UGT2A2: variants seen among roughly 807,000 people sequenced by gnomAD.
The protein encoded by UGT2A2 is UDP-glucuronosyltransferase 2A2.
UGT2A2 carries 60 observed loss-of-function variants against 50.7 expected under a neutral mutation model. The observed-to-expected ratio is 1.18, with a 90% CI of 0.96 to 1.47. The LOEUF is 1.47. UGT2A2 is among the 40% of genes most tolerant of loss of function. The pLI is 0.00. For synonymous variants in UGT2A2, 242 were observed against 214.6 expected, an observed-to-expected ratio of 1.13 and a Z score of -1.11; for missense variants, 762 against 634.0, an observed-to-expected ratio of 1.20 and a Z score of -2.17.
chr4:69,600,727 C>A (rs1719233606), intron 1 of UGT2A2, among the ~76,000 whole-genome samples: 1 of 151,752 alleles, frequency 6.6e-6, no homozygotes, highest in Non-Finnish European at 1.5e-5. Context: ...CTAATCATGG[C>A]AGAAGGCAAC....
At chr4:69,634,162 G>C (rs1037610047) in intron 1 of UGT2A2, among the ~76,000 whole-genome samples, 1 of 151,812 alleles carries the variant, frequency 6.6e-6, no homozygotes, top group Admixed American at 6.6e-5. Flanking sequence ...GGAGAATGGC[G>C]TGAACCCGGG....
chr4:69,616,992 G>T (rs541764254), intron 1 of UGT2A2, among the ~76,000 whole-genome samples: 16 of 151,926 alleles, frequency 1.1e-4, no homozygotes, highest in Non-Finnish European at 2.2e-4. Flanking sequence ...TAGTTAAAAT[G>T]TAGGTGAATG....
chr4:69,624,071 G>C (rs1408424473), intron 1 of UGT2A2, among the ~76,000 whole-genome samples: 2 of 151,482 alleles, frequency 1.3e-5, no homozygotes, highest in African/African-American at 4.8e-5. Context: ...ATCAATTACT[G>C]AGAGAGGACC....
Position 69,639,128 on chromosome 4 carries a change from T to C in UGT2A2, c.513A>G (p.Lys171=), listed in dbSNP as rs749673293. Residue 171 remains lysine (K), a synonymous_variant, in exon 1 of 6, where the codon AAA becomes AAG. Transcript: ENST00000604629. ...ATGTGTACATAAATGGAATTCCTAA[T>C]TTCAGAGCAACAAGATCACCACAGA... is the stretch of plus-strand genomic sequence containing the variant. The part of the protein sequence containing the change: ...VTICGDLVAL[K]LGIPFMYTLR... The C allele has an allele frequency of 3.1e-6, 5 of 1,613,614 alleles. No individual in the cohort carries two copies. The Admixed American group carries it at 8.3e-5, about 27-fold the overall frequency.
intron 1 of UGT2A2, among the ~76,000 whole-genome samples, chr4:69,620,768 A>T (rs1577978491): frequency 6.6e-6 from 1 of 152,084 alleles, no homozygotes. Context: ...TAACCAAAAC[A>T]GTATGGCACT....
chr4:69,626,303 C>A (rs73824179), intron 1 of UGT2A2, among the ~76,000 whole-genome samples: 1 of 151,182 alleles, frequency 6.6e-6, no homozygotes, highest in Non-Finnish European at 1.5e-5. Context: ...AGAGGCCATA[C>A]ACATCTAAAG....
chr4:69,593,967 C>CTTTTTTTTTTTTTTTTTTT lies in UGT2A2; in HGVS notation c.1331+509_1331+510insAAAAAAAAAAAAAAAAAAA, dbSNP rs200066453. 4.6e-5 allele frequency among the ~76,000 whole-genome samples: 5 copies of CTTTTTTTTTTTTTTTTTTT among 107,818 alleles called. 1 individual carries two copies. The highest frequency in any genetic ancestry group is 3.7e-5 in the Non-Finnish European group (2 of 53,450). The allele number at this position is 107,818 out of a possible 152,430, so 70.7% of individuals were successfully genotyped here. ...AAAATATTGAAATAATATTTGAAGT[C>CTTTTTTTTTTTTTTTTTTT]TTTTTTTTTGTTTGTTTTTTTTTTT... is the stretch of plus-strand genomic sequence containing the variant. On this transcript the variant is annotated intron_variant, in intron 5 of 5. Coordinates refer to ENST00000604629, the MANE Select transcript of UGT2A2 (RefSeq NM_001105677.2).
At chr4:69,637,257 C>G (rs959975097) in intron 1 of UGT2A2, among the ~76,000 whole-genome samples, 1 of 152,016 alleles carries the variant, frequency 6.6e-6, no homozygotes, top group African/African-American at 2.4e-5. Flanking sequence ...AAAATAAACT[C>G]AAATTTTATT....
Position 69,638,929 on chromosome 4 carries a change from C to A in UGT2A2, c.712G>T (p.Glu238Ter). The change falls in exon 1 of 6, where the codon GAA (glutamate) becomes TAA (stop). Residue 238 changes from glutamate to a stop codon, truncating the protein, a stop_gained. Transcript: ENST00000604629. LOFTEE classifies it high-confidence loss of function. The part of the protein sequence containing the change: ...QDYIFQSYWG[E>*]WNSYYSKILG... ...ATTTTGCTATAGTATGAATTCCATTCTCCCCAGTAGGACTGAAATATATAG... is the reference window on the plus strand; with the variant it reads ...ATTTTGCTATAGTATGAATTCCATTATCCCCAGTAGGACTGAAATATATAG... 2.5e-6 allele frequency: 4 copies of A among 1,604,644 alleles called. No homozygotes were observed. The highest frequency in any genetic ancestry group is 3.4e-6 in the Non-Finnish European group (4 of 1,175,302).
chr4:69,626,270 C>T (rs1028789992), intron 1 of UGT2A2, among the ~76,000 whole-genome samples: 1 of 150,660 alleles, frequency 6.6e-6, no homozygotes, highest in African/African-American at 2.4e-5. Context: ...CATTTTATTT[C>T]GGAGTAAATT....
rs1719316536 is a variant in UGT2A2, at chr4:69,601,827, C to T, written c.743-2433G>A. Among the ~76,000 whole-genome samples the T allele has an allele frequency of 1.5e-5, 2 of 136,166 alleles. 1 individual carries two copies. The highest frequency in any genetic ancestry group is 3.1e-5 in the Non-Finnish European group (2 of 64,144). 89.3% of individuals were successfully genotyped at this position (136,166 alleles called of 152,430 possible). ...AGCACCAGTCTGGGGTGTGACAGCC[C>T]TACTGGGTGGCCAGGTCTAGAGGAG... On this transcript the variant is annotated intron_variant, in intron 1 of 5. Coordinates refer to ENST00000604629, the MANE Select transcript of UGT2A2 (RefSeq NM_001105677.2).
In UGT2A2 at chr4:69,638,894, C is replaced by G; in HGVS notation, c.742+5G>C. On this transcript the variant is annotated splice_donor_5th_base_variant and intron_variant, in intron 1 of 5. Coordinates refer to ENST00000604629, the MANE Select transcript of UGT2A2 (RefSeq NM_001105677.2). ...GTCATTAAAAAGAGAAAATTTTAGA[C>G]TTACCTAAAATTTTGCTATAGTATG... The G allele has an allele frequency of 6.4e-7, 1 of 1,563,544 alleles. No homozygotes were observed. The highest frequency in any genetic ancestry group is 8.7e-7 in the Non-Finnish European group (1 of 1,155,870).
At chr4:69,596,194 G>A in intron 3 of UGT2A2, 56 bp downstream of exon 3, 1 of 1,425,556 alleles carries the variant, frequency 7.0e-7, no homozygotes, top group Non-Finnish European at 9.2e-7. Flanking sequence ...ATTACTAGCT[G>A]CATTGTCTCT....
At chr4:69,607,846 A>C (rs1285533784) in intron 1 of UGT2A2, among the ~76,000 whole-genome samples, 3 of 152,240 alleles carry the variant, frequency 2.0e-5, no homozygotes, top group African/African-American at 7.2e-5. Context: ...CCATCAGAGA[A>C]ATGCAAAACA....
At chr4:69,628,920 T>C (rs1262999315) in intron 1 of UGT2A2, among the ~76,000 whole-genome samples, 2 of 151,728 alleles carry the variant, frequency 1.3e-5, no homozygotes, top group African/African-American at 2.4e-5. Flanking sequence ...AGATAATCTT[T>C]CAATTTCCCT....
chr4:69,592,956 C>A (rs182361811), intron 5 of UGT2A2, among the ~76,000 whole-genome samples: 51 of 152,088 alleles, frequency 3.4e-4, no homozygotes, highest in African/African-American at 1.2e-3. Context: ...TAAAAAGTAA[C>A]TATTTCTTTT....
At chr4:69,593,480 C>T (rs1205118173) in intron 5 of UGT2A2, among the ~76,000 whole-genome samples, 1 of 151,354 alleles carries the variant, frequency 6.6e-6, no homozygotes, top group East Asian at 1.9e-4. Context: ...TATCATATTA[C>T]TTTGGTGAGA....
intron 1 of UGT2A2, chr4:69,635,828 C>CAAAAAAAAAAAGAAA (rs1721659228): frequency 2.0e-5 from 1 of 49,134 alleles, no homozygotes; most frequent in Non-Finnish European, 3.9e-5. Flanking sequence ...TCCACCTCAC[C>CAAAAAAAAAAAGAAA]AAAAAAAAAA....
intron 1 of UGT2A2, among the ~76,000 whole-genome samples, chr4:69,609,245 T>C (rs1719882355): frequency 6.6e-6 from 1 of 151,962 alleles, no homozygotes; most frequent in Admixed American, 6.6e-5. Flanking sequence ...CTTGACCTTA[T>C]GAGCCCAAGA....
Sources: allele counts gnomAD v4.1 joint callset (sites outside exome capture counted in the v4.1 genomes callset), GRCh38; gene constraint gnomAD v4.1.1; transcripts MANE v1.5; gene names NCBI Gene and HGNC (gene_info 2026-07-23, HGNC 2026-07-21).